The following CSMD1 variants were observed in gnomAD, a reference collection of about 807,000 sequenced individuals.
CSMD1 encodes CUB and sushi domain-containing protein 1.
Under a neutral mutation model 417.5 loss-of-function variants are expected in CSMD1, and 213 were observed. The ratio of observed to expected loss-of-function variants is 0.51; its 90% CI spans 0.46 to 0.57. CSMD1 has a LOEUF of 0.57. CSMD1 is among the 20% of genes least tolerant of loss of function. CSMD1 has a pLI of 0.00. For synonymous variants in CSMD1, 2,862 were observed against 1,736.8 expected (o/e 1.65, Z -16.11); for missense variants, 6,923 against 4,529.7 (o/e 1.53, Z -15.17).
At chr8:4,383,664 C>G (rs1803251602) in intron 3 of CSMD1, among the ~76,000 whole-genome samples, 2 of 152,004 alleles carry the variant, frequency 1.3e-5, no homozygotes, top group Admixed American at 1.3e-4. Flanking sequence ...AGAAATATTC[C>G]AAAGAAAGAA....
At chr8:4,015,535 T>C (rs944386812) in intron 4 of CSMD1, among the ~76,000 whole-genome samples, 19 of 152,088 alleles carry the variant, frequency 1.2e-4, no homozygotes, top group African/African-American at 4.3e-4. Flanking sequence ...CTACACTATT[T>C]AGCATGTTTT....
intron 23 of CSMD1, among the ~76,000 whole-genome samples, chr8:3,314,054 G>C (rs1584983199): frequency 1.3e-5 from 2 of 151,952 alleles, no homozygotes; most frequent in South Asian, 2.1e-4. Flanking sequence ...CTCACTCATA[G>C]GTGGGAATTG....
At chr8:4,043,120 G>C (rs926622937) in intron 3 of CSMD1, among the ~76,000 whole-genome samples, 3 of 152,008 alleles carry the variant, frequency 2.0e-5, no homozygotes, top group African/African-American at 2.4e-5. Flanking sequence ...GTGAGACAGT[G>C]AGACTCTGTC....
intron 37 of CSMD1, among the ~76,000 whole-genome samples, chr8:3,176,463 T>C (rs1820943188): frequency 6.6e-6 from 1 of 152,132 alleles, no homozygotes; most frequent in South Asian, 2.1e-4. Flanking sequence ...ACCTAAAAAA[T>C]ATTTTAGTAT....
intron 5 of CSMD1, among the ~76,000 whole-genome samples, chr8:3,802,562 T>C (rs777438064): frequency 6.6e-6 from 1 of 152,150 alleles, no homozygotes; most frequent in Non-Finnish European, 1.5e-5. Flanking sequence ...ACCTACTTAG[T>C]TAAGGGGAGA....
chr8:2,974,376 A>C, intron 56 of CSMD1, 75 bp downstream of exon 56: 2 of 1,311,936 alleles, frequency 1.5e-6, no homozygotes, highest in Non-Finnish European at 2.0e-6. Context: ...ACTGTAAATC[A>C]TCATTATTTG....
In CSMD1 at chr8:4,213,153, G is replaced by A. The variant is rs536344125; in HGVS notation, c.416-181054C>T. 8.5e-5 allele frequency among the ~76,000 whole-genome samples: 13 copies of A among 152,180 alleles called. 1 individual carries two copies. Among genetic ancestry groups the A allele is most frequent in the African/African-American group, 2.6e-4 (11 of 41,514 alleles). ...ACAACATCTGGAAAATTTCTTACTA[G>A]GATATAAACCAAATGGGGAGAGACA... On this transcript the variant is annotated intron_variant, in intron 3 of 69. Transcript: ENST00000635120.
At chr8:3,966,800 C>G (rs1301182534) in intron 5 of CSMD1, among the ~76,000 whole-genome samples, 1 of 151,892 alleles carries the variant, frequency 6.6e-6, no homozygotes, top group Non-Finnish European at 1.5e-5. Context: ...AGATTAAATC[C>G]CAAGAAATAA....
chr8:3,049,566 G>A (rs1232046659), intron 50 of CSMD1, among the ~76,000 whole-genome samples: 2 of 152,112 alleles, frequency 1.3e-5, no homozygotes, highest in Non-Finnish European at 2.9e-5. Context: ...GTCAGTGTTT[G>A]TCAGGGGTTG....
chr8:4,934,272 T>A (rs1056175306), intron 1 of CSMD1, among the ~76,000 whole-genome samples: 2 of 152,202 alleles, frequency 1.3e-5, no homozygotes, highest in Admixed American at 6.5e-5. Context: ...CCCCACAGAA[T>A]GCTTTGGGAC....
At chr8:4,142,784 C>T (rs1803869692) in intron 3 of CSMD1, among the ~76,000 whole-genome samples, 1 of 150,940 alleles carries the variant, frequency 6.6e-6, no homozygotes, top group Non-Finnish European at 1.5e-5. Flanking sequence ...AAACAGGCTT[C>T]AACAAAGTCT....
intron 33 of CSMD1, among the ~76,000 whole-genome samples, chr8:3,190,455 C>G (rs1563127587): frequency 6.6e-6 from 1 of 152,138 alleles, no homozygotes; most frequent in Admixed American, 6.5e-5. Flanking sequence ...GATTGATATT[C>G]AGGCGATTAC....
intron 5 of CSMD1, among the ~76,000 whole-genome samples, chr8:3,769,855 A>G (rs1311413821): frequency 6.6e-6 from 1 of 152,206 alleles, no homozygotes; most frequent in African/African-American, 2.4e-5. Context: ...ATGGACTCCT[A>G]GAAGAAAAAC....
chr8:3,666,096 A>C (rs1189143408), intron 7 of CSMD1, among the ~76,000 whole-genome samples: 1 of 152,148 alleles, frequency 6.6e-6, no homozygotes, highest in Non-Finnish European at 1.5e-5. Context: ...GTGTTTCACC[A>C]TGTTGGCCAG....
At chr8:3,151,764 TCC>T (rs1324628233) in intron 39 of CSMD1, among the ~76,000 whole-genome samples, 1 of 152,182 alleles carries the variant, frequency 6.6e-6, no homozygotes, top group East Asian at 1.9e-4. Flanking sequence ...ACTCAAAGGC[TCC>T]CAGTAAAGAT....
At chr8:4,567,289 A>G (rs1472446991) in intron 2 of CSMD1, among the ~76,000 whole-genome samples, 1 of 152,182 alleles carries the variant, frequency 6.6e-6, no homozygotes, top group Non-Finnish European at 1.5e-5. Context: ...TATTTCTCAG[A>G]GCTTGTAAAA....
At chr8:3,934,053 G>A (rs896882704) in intron 5 of CSMD1, among the ~76,000 whole-genome samples, 2 of 152,130 alleles carry the variant, frequency 1.3e-5, no homozygotes, top group African/African-American at 4.8e-5. Context: ...GCTCTACACT[G>A]AGTATCAGTG....
intron 1 of CSMD1, among the ~76,000 whole-genome samples, chr8:4,942,234 A>AT (rs1027993386): frequency 1.3e-4 from 20 of 152,138 alleles, no homozygotes; most frequent in African/African-American, 4.8e-4. Flanking sequence ...CTTCACTCTT[A>AT]TTTTTTCCCT....
At chr8:2,949,643 A>G (rs1450197303) in intron 67 of CSMD1, among the ~76,000 whole-genome samples, 3 of 150,892 alleles carry the variant, frequency 2.0e-5, no homozygotes. Flanking sequence ...CAAATTTTAC[A>G]ATATATCCAT....
Sources: allele counts gnomAD v4.1 joint callset (sites outside exome capture counted in the v4.1 genomes callset), GRCh38; gene constraint gnomAD v4.1.1; transcripts MANE v1.5; gene names NCBI Gene and HGNC (gene_info 2026-07-23, HGNC 2026-07-21).